Variants in BMPER observed in about 807,000 individuals in gnomAD.
BMPER encodes BMP-binding endothelial regulator protein.
BMPER carries 45 observed loss-of-function variants against 87.3 expected under a neutral mutation model. The observed-to-expected ratio is 0.52, with a 90% CI of 0.41 to 0.66. BMPER has a LOEUF of 0.66. BMPER is among the 30% of genes least tolerant of loss of function. The probability of loss-of-function intolerance (pLI) is 0.00; values close to 1 mark genes in which losing one functional copy is unlikely to be tolerated. For synonymous variants in BMPER, 326 were observed against 316.2 expected (o/e 1.03, Z -0.33); for missense variants, 784 against 867.5 (o/e 0.90, Z 1.21).
chr7:33,991,211 C>A (rs976893687), intron 6 of BMPER, among the ~76,000 whole-genome samples: 1 of 150,182 alleles, frequency 6.7e-6, no homozygotes, highest in African/African-American at 2.4e-5. Flanking sequence ...CTCCTTGTAC[C>A]TCTGGTAGAA....
At chr7:34,024,380 AAACAATATAT>A (rs1787289513) in intron 6 of BMPER, among the ~76,000 whole-genome samples, 2 of 72,822 alleles carry the variant, frequency 2.7e-5, no homozygotes, top group African/African-American at 1.4e-4. Context: ...AAAAAAAAAA[AAACAATATAT>A]ATATATATAT....
chr7:34,047,934 T>G (rs17169630), intron 7 of BMPER, among the ~76,000 whole-genome samples: 23,730 of 151,204 alleles, frequency 0.16, 2,880 homozygotes, highest in African/African-American at 0.34. Context: ...GGGTTTGCAG[T>G]CAATAAGAGT....
intron 6 of BMPER, among the ~76,000 whole-genome samples, chr7:34,010,553 A>C (rs1411458156): frequency 6.6e-6 from 1 of 151,946 alleles, no homozygotes; most frequent in Non-Finnish European, 1.5e-5. Flanking sequence ...GTGATTTTCC[A>C]AAGTAAACCA....
In BMPER at chr7:33,970,886, CT is replaced by C. The variant is rs138144702; in HGVS notation, c.493+469del. Among the ~76,000 whole-genome samples, 990 of 152,200 alleles carry C rather than the reference CT, an allele frequency of 6.5e-3. 14 individuals carry two copies. Among genetic ancestry groups the C allele is most frequent in the African/African-American group, 0.023 (949 of 41,522 alleles). On this transcript the variant is annotated intron_variant, in intron 5 of 14. Coordinates refer to ENST00000649409, the MANE Select transcript of BMPER (RefSeq NM_001365308.1). ...CATGTGGTTCAACAAGGTGGACCCT[CT>C]TGTCTTTTTTAGAGGGCCCTGCTTC...
At chr7:34,104,338 T>C (rs921431828) in intron 13 of BMPER, among the ~76,000 whole-genome samples, 1 of 152,208 alleles carries the variant, frequency 6.6e-6, no homozygotes, top group Non-Finnish European at 1.5e-5. Context: ...AGGCCATTTG[T>C]CATTCATGTT....
intron 13 of BMPER, among the ~76,000 whole-genome samples, chr7:34,101,932 G>A (rs896314142): frequency 6.6e-6 from 1 of 152,140 alleles, no homozygotes; most frequent in Non-Finnish European, 1.5e-5. Context: ...TTCCTATTTG[G>A]CTGCAATAGG....
rs117330486 is a variant in BMPER at position 33,965,241 on chromosome 7, T to C, written c.320-1238T>C. Among the ~76,000 whole-genome samples the C allele has an allele frequency of 2.8e-3, 425 of 152,344 alleles. 2 individuals carry two copies. Among genetic ancestry groups the C allele is most frequent in the Non-Finnish European group, 5.1e-3 (350 of 68,028 alleles). On this transcript the variant is annotated intron_variant, in intron 3 of 14. Coordinates refer to ENST00000649409, the MANE Select transcript of BMPER (RefSeq NM_001365308.1). ...CAATCAACTGTGTACTTTAGTAATT[T>C]GATTTGTAGGAACTAGAGAGCAGAG...
At chr7:34,144,037 C>T (rs1790951438) in intron 14 of BMPER, among the ~76,000 whole-genome samples, 1 of 151,974 alleles carries the variant, frequency 6.6e-6, no homozygotes, top group Non-Finnish European at 1.5e-5. Flanking sequence ...TTACAAATTA[C>T]AGTAAGTATG....
At chr7:34,006,692 C>T (rs896059667) in intron 6 of BMPER, among the ~76,000 whole-genome samples, 8 of 152,022 alleles carry the variant, frequency 5.3e-5, no homozygotes, top group African/African-American at 1.9e-4. Flanking sequence ...GGAGATAATG[C>T]TATTTTACTT....
At chr7:34,023,240 G>A (rs1357801234) in intron 6 of BMPER, among the ~76,000 whole-genome samples, 1 of 152,084 alleles carries the variant, frequency 6.6e-6, no homozygotes, top group Non-Finnish European at 1.5e-5. Flanking sequence ...TCTAAGGCTA[G>A]TCGTCATACA....
At chr7:34,020,698 T>A (rs1787155677) in intron 6 of BMPER, among the ~76,000 whole-genome samples, 1 of 152,000 alleles carries the variant, frequency 6.6e-6, no homozygotes, top group Non-Finnish European at 1.5e-5. Flanking sequence ...ATGACTGGAC[T>A]GAATTATCCA....
chr7:33,937,180 A>G, intron 2 of BMPER, 109 bp from the exon 3 acceptor site: 1 of 1,153,878 alleles, frequency 8.7e-7, no homozygotes, highest in East Asian at 2.4e-5. Context: ...TCTTCTTGCC[A>G]AGTGAAGGCC....
intron 6 of BMPER, among the ~76,000 whole-genome samples, chr7:34,035,394 G>A (rs1355959965): frequency 6.6e-6 from 1 of 152,154 alleles, no homozygotes; most frequent in Non-Finnish European, 1.5e-5. Context: ...TATATTGAAA[G>A]GGTGAACAAA....
intron 2 of BMPER, among the ~76,000 whole-genome samples, chr7:33,919,957 G>T (rs200226514): frequency 1.6e-5 from 1 of 63,776 alleles, no homozygotes. Context: ...CTATCTATAT[G>T]TATTTATATA....
intron 10 of BMPER, among the ~76,000 whole-genome samples, chr7:34,061,754 G>A (rs2127965226): frequency 6.6e-6 from 1 of 152,122 alleles, no homozygotes; most frequent in East Asian, 1.9e-4. Flanking sequence ...GAGCCCTTTA[G>A]GTATTATATT....
intron 6 of BMPER, among the ~76,000 whole-genome samples, chr7:33,997,993 T>C (rs763197809): frequency 9.2e-5 from 14 of 152,258 alleles, no homozygotes; most frequent in Non-Finnish European, 1.8e-4. Flanking sequence ...TGATGTGCTT[T>C]TTTCATTTTG....
intron 2 of BMPER, among the ~76,000 whole-genome samples, chr7:33,914,527 GT>G (rs1784044092): frequency 6.6e-6 from 1 of 152,198 alleles, no homozygotes; most frequent in Non-Finnish European, 1.5e-5. Context: ...TACATGTAAT[GT>G]GTTGGGCTTG....
At chr7:33,949,810 T>G (rs1385095197) in intron 3 of BMPER, among the ~76,000 whole-genome samples, 2 of 152,244 alleles carry the variant, frequency 1.3e-5, no homozygotes, top group African/African-American at 4.8e-5. Context: ...GAGGGATTTC[T>G]TTCCCCTGCT....
chr7:33,969,645 C>T (rs997749011), intron 4 of BMPER, among the ~76,000 whole-genome samples: 3 of 152,206 alleles, frequency 2.0e-5, no homozygotes, highest in African/African-American at 4.8e-5. Context: ...GTGATCCGCC[C>T]GCCTCAGCCT....
Sources: gnomAD v4.1 joint callset for allele counts (sites outside exome capture counted in the v4.1 genomes callset) on GRCh38, gnomAD v4.1.1 for gene constraint, MANE v1.5 for transcripts, NCBI Gene and HGNC (gene_info 2026-07-23, HGNC 2026-07-21) for gene names.